The following POU2F1 variants were observed in gnomAD, a reference collection of about 807,000 sequenced individuals.
POU2F1 encodes the protein POU domain, class 2, transcription factor 1.
In POU2F1, 16 loss-of-function variants were observed where a neutral mutation model predicts 84.9. That is an observed-to-expected ratio of 0.19 (90% CI 0.13 to 0.29). POU2F1 has a LOEUF of 0.29. Among genes scored for constraint, POU2F1 ranks in the 10% least tolerant of loss-of-function variants. The pLI, the probability that POU2F1 is intolerant of heterozygous loss-of-function variation, is 1.00. For synonymous variants in POU2F1, 368 were observed against 368.3 expected (o/e 1.00, Z 0.01); for missense variants, 738 against 942.6 (o/e 0.78, Z 2.84).
chr1:167,398,687 ATT>A (rs1439400213), intron 11 of POU2F1, among the ~76,000 whole-genome samples: 1 of 152,204 alleles, frequency 6.6e-6, no homozygotes, highest in Non-Finnish European at 1.5e-5. Context: ...TTTTAAGAAA[ATT>A]TTGACTTCTC....
intron 1 of POU2F1, among the ~76,000 whole-genome samples, chr1:167,320,377 T>G (rs988470353): frequency 2.0e-5 from 3 of 152,210 alleles, no homozygotes; most frequent in Non-Finnish European, 4.4e-5. Context: ...GCACCTTCAA[T>G]TGGTTTAAAT....
intron 1 of POU2F1, among the ~76,000 whole-genome samples, chr1:167,253,877 A>T (rs1226000241): frequency 1.3e-5 from 2 of 152,190 alleles, no homozygotes; most frequent in South Asian, 4.2e-4. Context: ...TCTAATACGT[A>T]TTTCATTTTT....
intron 14 of POU2F1, 82 bp downstream of exon 14, chr1:167,412,386 ACTT>A: frequency 8.2e-7 from 1 of 1,225,606 alleles, no homozygotes; most frequent in Admixed American, 3.2e-5. Flanking sequence ...TACATCACTG[ACTT>A]AGATGGGGAA....
At chr1:167,378,035 C>A (rs1660444872) in intron 7 of POU2F1, among the ~76,000 whole-genome samples, 1 of 152,086 alleles carries the variant, frequency 6.6e-6, no homozygotes, top group Non-Finnish European at 1.5e-5. Context: ...GTCTTTATGG[C>A]AGAAAAATTT....
At chr1:167,324,215 A>G (rs1236889247) in intron 1 of POU2F1, among the ~76,000 whole-genome samples, 1 of 152,186 alleles carries the variant, frequency 6.6e-6, no homozygotes, top group Non-Finnish European at 1.5e-5. Flanking sequence ...CATGTGTCAT[A>G]TAATTCTTGC....
chr1:167,403,926 C>G (rs560605966), intron 13 of POU2F1, among the ~76,000 whole-genome samples: 2 of 152,088 alleles, frequency 1.3e-5, no homozygotes, highest in Admixed American at 1.3e-4. Context: ...GGAGTTTGTC[C>G]AGTTACAAAA....
At chr1:167,263,760 G>C (rs1651746142) in intron 1 of POU2F1, among the ~76,000 whole-genome samples, 1 of 152,106 alleles carries the variant, frequency 6.6e-6, no homozygotes, top group Admixed American at 6.5e-5. Context: ...CTCTCTGGCT[G>C]TTTCAGACAA....
At chr1:167,306,917 C>T (rs1655112564) in intron 1 of POU2F1, among the ~76,000 whole-genome samples, 1 of 152,130 alleles carries the variant, frequency 6.6e-6, no homozygotes, top group African/African-American at 2.4e-5. Flanking sequence ...TTGGGGAAGA[C>T]ACAGTTCAAT....
chr1:167,298,938 C>T (rs1000148444), intron 1 of POU2F1, among the ~76,000 whole-genome samples: 10 of 152,014 alleles, frequency 6.6e-5, no homozygotes, highest in East Asian at 3.9e-4. Flanking sequence ...CCAAGGCGGG[C>T]GGATCACCTG....
intron 1 of POU2F1, among the ~76,000 whole-genome samples, chr1:167,300,614 G>A (rs768039716): frequency 5.3e-5 from 8 of 152,008 alleles, no homozygotes; most frequent in Non-Finnish European, 1.2e-4. Flanking sequence ...ACAGGTGCAC[G>A]CCACCATGCC....
At chr1:167,358,869 T>C (rs1286974725) in intron 2 of POU2F1, among the ~76,000 whole-genome samples, 2 of 151,904 alleles carry the variant, frequency 1.3e-5, no homozygotes, top group Non-Finnish European at 2.9e-5. Context: ...CAGTTTTTGA[T>C]AGGCCTTTTT....
At chr1:167,294,172 CAAAAA>C (rs60846607) in intron 1 of POU2F1, among the ~76,000 whole-genome samples, 486 of 30,954 alleles carry the variant, frequency 0.016, 5 homozygotes, top group African/African-American at 0.028. Flanking sequence ...TACTAAAATA[CAAAAA>C]AAAAAAAAAA....
Position 167,396,419 on chromosome 1 carries a change from A to G in POU2F1, c.1121A>G (p.Asn374Ser), listed in dbSNP as rs1648811018. The G allele has an allele frequency of 6.2e-7, 1 of 1,613,884 alleles. No homozygotes were observed. Among genetic ancestry groups the G allele is most frequent in the South Asian group, 1.1e-5 (1 of 91,082 alleles). The change falls in exon 10 of 16, where the codon AAT becomes AGT. Residue 374 changes from asparagine to serine, a missense_variant. Physicochemically the swap from Asn to Ser is conservative, Grantham distance 46. Coordinates refer to ENST00000367866, the MANE Select transcript of POU2F1 (RefSeq NM_002697.4). ...AAGCCACTTTTAGAGAAGTGGCTAA[A>G]TGATGCAGGTAAGTGACTGTATAAG... ...KLKPLLEKWL[N>S]DAENLSSDSS...
intron 2 of POU2F1, among the ~76,000 whole-genome samples, chr1:167,338,636 C>A (rs1657638033): frequency 6.6e-6 from 1 of 152,172 alleles, no homozygotes; most frequent in Non-Finnish European, 1.5e-5. Context: ...TAGTTGTTTG[C>A]ACAAGGATGC....
Position 167,322,980 on chromosome 1 carries a change from G to A in POU2F1, c.62-9490G>A, listed in dbSNP as rs560302314. Among the ~76,000 whole-genome samples, 10 of 152,272 alleles carry A rather than the reference G, an allele frequency of 6.6e-5. No homozygotes were observed. In the East Asian group the frequency reaches 1.2e-3, roughly 18 times the overall value. ...TAAACCAACAACCTTCAGCATGGGC[G>A]TCGTAGCCATCATGAGCATGTCACA... On this transcript the variant is annotated intron_variant, in intron 1 of 15. Transcript: ENST00000367866.
chr1:167,398,762 C>T (rs569721360), intron 11 of POU2F1, among the ~76,000 whole-genome samples: 1 of 152,062 alleles, frequency 6.6e-6, no homozygotes, highest in Non-Finnish European at 1.5e-5. Context: ...GTCAGCTCTG[C>T]CACTTAAACT....
Position 167,274,031 on chromosome 1 carries a change from G to C in POU2F1, c.61+53073G>C, listed in dbSNP as rs143608905. 2.1e-3 allele frequency among the ~76,000 whole-genome samples: 321 copies of C among 152,276 alleles called. 2 individuals are homozygous for C. The highest frequency in any genetic ancestry group is 7.5e-3 in the African/African-American group (310 of 41,548). ...GTAGAGCAAACTCTTGATTTATTCT[G>C]AATGACCACCAGTTACTAACTAAAA... On this transcript the variant is annotated intron_variant, in intron 1 of 15. Transcript: ENST00000367866.
At chr1:167,415,000 C>T (rs1032674759) in intron 15 of POU2F1, among the ~76,000 whole-genome samples, 3 of 152,164 alleles carry the variant, frequency 2.0e-5, no homozygotes, top group African/African-American at 7.2e-5. Context: ...CACCTCAGAT[C>T]GTGCTCTATG....
rs540819557 is a variant in POU2F1, at chr1:167,312,637, T to G, written c.62-19833T>G. ...GAAAAATATATTTTTATAAATTGAG[T>G]GTAGCCTAAGTGTACAGGCTTTCTC... is the stretch of plus-strand genomic sequence containing the variant. On this transcript the variant is annotated intron_variant, in intron 1 of 15. Coordinates refer to ENST00000367866, the MANE Select transcript of POU2F1 (RefSeq NM_002697.4). Among the ~76,000 whole-genome samples the G allele has an allele frequency of 3.3e-5, 5 of 152,310 alleles. 1 individual carries two copies. In the South Asian group the frequency reaches 1.0e-3, roughly 32 times the overall value.
Sources: allele counts gnomAD v4.1 joint callset (sites outside exome capture counted in the v4.1 genomes callset), GRCh38; gene constraint gnomAD v4.1.1; transcripts MANE v1.5; gene names NCBI Gene and HGNC (gene_info 2026-07-23, HGNC 2026-07-21).